NAALADL2: variants seen among roughly 807,000 people sequenced by gnomAD.
The protein encoded by NAALADL2 is N-acetylated alpha-linked acidic dipeptidase like 2.
NAALADL2 carries 76 observed loss-of-function variants against 87.2 expected under a neutral mutation model. The observed-to-expected ratio is 0.87, with a 90% confidence interval of 0.72 to 1.05. The LOEUF is 1.05. Among genes scored for constraint, NAALADL2 ranks in the 50% least tolerant of loss-of-function variants. NAALADL2 has a pLI of 0.00. For missense variants in NAALADL2, 1,089 were observed against 945.8 expected (o/e 1.15, Z -1.99); for synonymous variants, 354 against 331.0 (o/e 1.07, Z -0.75).
At chr3:174,716,197 G>A (rs1031756195) in intron 2 of NAALADL2, among the ~76,000 whole-genome samples, 1 of 152,020 alleles carries the variant, frequency 6.6e-6, no homozygotes, top group South Asian at 2.1e-4. Flanking sequence ...CTCTGATGAA[G>A]GGCACAGCTC....
intron 1 of NAALADL2, among the ~76,000 whole-genome samples, chr3:174,999,603 A>G (rs1239414483): frequency 6.6e-6 from 1 of 152,198 alleles, no homozygotes; most frequent in African/African-American, 2.4e-5. Flanking sequence ...TTATCAAAAT[A>G]GCAAAGAATT....
intron 4 of NAALADL2, among the ~76,000 whole-genome samples, chr3:175,274,665 C>A (rs537297202): frequency 6.6e-6 from 1 of 152,142 alleles, no homozygotes; most frequent in Admixed American, 6.5e-5. Flanking sequence ...AACCTATGAC[C>A]TTAAGAAAAT....
intron 5 of NAALADL2, among the ~76,000 whole-genome samples, chr3:175,406,549 A>G (rs1712410699): frequency 2.0e-5 from 3 of 152,360 alleles, no homozygotes; most frequent in Admixed American, 2.0e-4. Flanking sequence ...TCAGCAAAGT[A>G]TGTCAGTGTT....
intron 3 of NAALADL2, among the ~76,000 whole-genome samples, chr3:175,242,898 C>T (rs1747193179): frequency 6.6e-6 from 1 of 152,086 alleles, no homozygotes; most frequent in Admixed American, 6.6e-5. Flanking sequence ...CTCTAGTTTC[C>T]TCATCTATAA....
rs190898894 is a variant in NAALADL2 at position 175,060,827 on chromosome 3, C to T, written c.44-35963C>T. Among the ~76,000 whole-genome samples, 986 of 152,240 alleles carry T rather than the reference C, an allele frequency of 6.5e-3. 6 individuals are homozygous for T. Among genetic ancestry groups the T allele is most frequent in the Middle Eastern group, 0.014 (4 of 294 alleles). On this transcript the variant is annotated intron_variant, in intron 1 of 13. Coordinates refer to ENST00000454872, the MANE Select transcript of NAALADL2 (RefSeq NM_207015.3). ...CTTTGGGAGGCCGAGGTGAGTGGAT[C>T]ACCTGAGGTTGGGAGTTTGAGACCA...
At chr3:174,639,678 C>CA (rs1194946412) in intron 2 of NAALADL2, among the ~76,000 whole-genome samples, 1 of 152,138 alleles carries the variant, frequency 6.6e-6, no homozygotes, top group Admixed American at 6.5e-5. Flanking sequence ...GTCCAGTGAT[C>CA]TACAGCTGCT....
intron 2 of NAALADL2, among the ~76,000 whole-genome samples, chr3:174,698,845 C>T (rs551760616): frequency 1.1e-5 from 1 of 94,396 alleles, no homozygotes; most frequent in Non-Finnish European, 1.8e-5. Context: ...GCCTGGGTGA[C>T]AGAGCGAGAC....
chr3:174,947,634 A>C (rs1739647486), intron 1 of NAALADL2, among the ~76,000 whole-genome samples: 1 of 152,086 alleles, frequency 6.6e-6, no homozygotes, highest in South Asian at 2.1e-4. Context: ...GAAAAAAAAC[A>C]CTGATAACTT....
intron 2 of NAALADL2, among the ~76,000 whole-genome samples, chr3:174,732,498 A>G (rs1732799640): frequency 6.6e-6 from 1 of 151,844 alleles, no homozygotes; most frequent in Non-Finnish European, 1.5e-5. Flanking sequence ...ATTAACATTT[A>G]TTGTGATATT....
chr3:175,555,534 A>G (rs574739632), intron 9 of NAALADL2, among the ~76,000 whole-genome samples: 28 of 152,260 alleles, frequency 1.8e-4, no homozygotes, highest in South Asian at 6.2e-4. Context: ...ATGGGTAAGC[A>G]TTTCCTACCC....
At chr3:175,783,399 T>C (rs1192743515) in intron 13 of NAALADL2, among the ~76,000 whole-genome samples, 1 of 151,230 alleles carries the variant, frequency 6.6e-6, no homozygotes, top group Non-Finnish European at 1.5e-5. Flanking sequence ...TGGTTTGTAG[T>C]TCTCCTTGAA....
intron 2 of NAALADL2, among the ~76,000 whole-genome samples, chr3:175,160,019 A>G (rs929049157): frequency 2.6e-5 from 1 of 38,088 alleles, no homozygotes; most frequent in Non-Finnish European, 1.0e-4. Flanking sequence ...TTTTACTTTT[A>G]GTAGAGATGG....
intron 1 of NAALADL2, among the ~76,000 whole-genome samples, chr3:175,044,847 T>G (rs756063661): frequency 1.3e-5 from 2 of 152,076 alleles, no homozygotes; most frequent in African/African-American, 2.4e-5. Flanking sequence ...TCACCGACAT[T>G]ACTCTCTTTA....
At chr3:174,930,895 T>A (rs1243361914) in intron 1 of NAALADL2, among the ~76,000 whole-genome samples, 2 of 152,132 alleles carry the variant, frequency 1.3e-5, no homozygotes, top group Non-Finnish European at 2.9e-5. Flanking sequence ...GTGCTGGGAT[T>A]ACAGGCATGA....
chr3:175,796,629 G>T lies in NAALADL2; in HGVS notation c.2190-6376G>T, dbSNP rs115158955. Among the ~76,000 whole-genome samples, 1,170 of 152,324 alleles carry T rather than the reference G, an allele frequency of 7.7e-3. 19 individuals are homozygous for T. The highest frequency in any genetic ancestry group is 0.027 in the African/African-American group (1,129 of 41,564). On this transcript the variant is annotated intron_variant, in intron 13 of 13. Coordinates refer to ENST00000454872, the MANE Select transcript of NAALADL2 (RefSeq NM_207015.3). ...AATCTACTGTTAACTATGGAGTACA[G>T]TTAGTATAATCCCTAAAAGAAATAG...
intron 11 of NAALADL2, among the ~76,000 whole-genome samples, chr3:175,706,655 G>T (rs116194217): frequency 6.6e-6 from 1 of 152,018 alleles, no homozygotes; most frequent in African/African-American, 2.4e-5. Context: ...ATAGCTAAAC[G>T]TTTACAAATT....
chr3:175,462,006 C>T lies in NAALADL2; in HGVS notation c.1235-1395C>T, dbSNP rs140543910. Among the ~76,000 whole-genome samples the T allele has an allele frequency of 5.1e-4, 78 of 152,090 alleles. 1 individual carries two copies. The highest frequency in any genetic ancestry group is 1.8e-3 in the African/African-American group (76 of 41,486). ...GGATTTTAGAGTAGTGAAGCTATCC[C>T]GTATGATACTATCATGATGGATATA... is the stretch of plus-strand genomic sequence containing the variant. On this transcript the variant is annotated intron_variant, in intron 6 of 13. Transcript: ENST00000454872.
intron 6 of NAALADL2, among the ~76,000 whole-genome samples, chr3:175,451,163 G>GT (rs1449433778): frequency 3.9e-5 from 6 of 151,988 alleles, no homozygotes; most frequent in Non-Finnish European, 8.8e-5. Context: ...TTACTCCTTT[G>GT]TTTCAGCCTA....
At chr3:175,405,062 G>C (rs1259857139) in intron 5 of NAALADL2, among the ~76,000 whole-genome samples, 3 of 152,010 alleles carry the variant, frequency 2.0e-5, no homozygotes, top group Non-Finnish European at 2.9e-5. Context: ...ACTTTATCCT[G>C]TGGGGCTTAA....
Sources: allele counts gnomAD v4.1 joint callset (sites outside exome capture counted in the v4.1 genomes callset), GRCh38; gene constraint gnomAD v4.1.1; transcripts MANE v1.5; gene names NCBI Gene and HGNC (gene_info 2026-07-23, HGNC 2026-07-21).